PDE1C: variants seen among roughly 807,000 people sequenced by gnomAD.
PDE1C encodes the protein dual specificity calcium/calmodulin-dependent 3',5'-cyclic nucleotide phosphodiesterase 1C.
Under a neutral mutation model 93.1 loss-of-function variants are expected in PDE1C, and 62 were observed. The ratio of observed to expected loss-of-function variants is 0.67; its 90% confidence interval spans 0.54 to 0.82. The LOEUF is 0.82. PDE1C is among the 40% of genes least tolerant of loss of function. The pLI is 0.00. For synonymous variants in PDE1C, 325 were observed against 310.1 expected, an observed-to-expected ratio of 1.05 and a Z score of -0.50; for missense variants, 742 against 884.6, an observed-to-expected ratio of 0.84 and a Z score of 2.04.
chr7:31,718,504 T>A, the PDE1C span, among the ~76,000 whole-genome samples: 3 of 152,318 alleles, frequency 2.0e-5, no homozygotes, highest in Non-Finnish European at 4.4e-5. Context: ...CATCACTGTC[T>A]TCCTGGAGTT....
intron 2 of PDE1C, among the ~76,000 whole-genome samples, chr7:32,003,280 ACT>A (rs1194138181): frequency 4.6e-5 from 7 of 152,104 alleles, no homozygotes; most frequent in Non-Finnish European, 1.0e-4. Flanking sequence ...GACAAGGGAA[ACT>A]CTAGCTCATT....
At chr7:31,868,035 T>C (rs1795510146) in intron 6 of PDE1C, among the ~76,000 whole-genome samples, 1 of 152,222 alleles carries the variant, frequency 6.6e-6, no homozygotes, top group Admixed American at 6.5e-5. Context: ...TAGATACTTC[T>C]TCAGGAAAAA....
rs535394784 is a variant in PDE1C at position 32,155,695 on chromosome 7, G to A, written c.308+14090C>T. 7.9e-5 allele frequency among the ~76,000 whole-genome samples: 12 copies of A among 152,300 alleles called. No individual in the cohort carries two copies. The South Asian group carries it at 1.2e-3, about 16-fold the overall frequency. On this transcript the variant is annotated intron_variant, in intron 3 of 18. Coordinates refer to the PDE1C transcript ENST00000396193. ...GCTGCTTCCAGACACCATGCTCACCGCATGCATGCCTCCTGGACTCCTCAC... is the reference window on the plus strand; with the variant it reads ...GCTGCTTCCAGACACCATGCTCACCACATGCATGCCTCCTGGACTCCTCAC...
At position 31,885,998 on chromosome 7, in the gene PDE1C, G is replaced by A. The variant is rs548249370; in HGVS notation, c.129-5138C>T. Reference sequence around the variant, plus strand: ...TATTCTGCCCAAGGTTATTCCCTCTGAGGATGGGGGGGCAGCTCCTAAAAT... The same window carrying A: ...TATTCTGCCCAAGGTTATTCCCTCTAAGGATGGGGGGGCAGCTCCTAAAAT... On this transcript the variant is annotated intron_variant, in intron 2 of 17. Coordinates refer to ENST00000396191, the MANE Select transcript of PDE1C (RefSeq NM_001191057.4). 2.0e-5 allele frequency among the ~76,000 whole-genome samples: 3 copies of A among 152,292 alleles called. No individual in the cohort carries two copies. The East Asian group carries it at 5.8e-4, about 29-fold the overall frequency.
intron 3 of PDE1C, among the ~76,000 whole-genome samples, chr7:32,124,693 C>A (rs890874417): frequency 2.6e-5 from 4 of 152,078 alleles, no homozygotes; most frequent in Non-Finnish European, 5.9e-5. Context: ...TGAAACTGGA[C>A]CCCTTCCTTA....
chr7:31,743,172 A>G, the PDE1C span, among the ~76,000 whole-genome samples: 1 of 152,114 alleles, frequency 6.6e-6, no homozygotes, highest in Admixed American at 6.5e-5. Flanking sequence ...TATGACTTTT[A>G]TCCTGCTGGG....
chr7:31,676,821 A>G, the PDE1C span, among the ~76,000 whole-genome samples: 3 of 152,304 alleles, frequency 2.0e-5, no homozygotes, highest in South Asian at 6.2e-4. Context: ...AAGAAAAAAA[A>G]AGTCATGGTG....
At chr7:32,425,966 G>T (rs1785522490) in intron 1 of PDE1C, among the ~76,000 whole-genome samples, 1 of 151,642 alleles carries the variant, frequency 6.6e-6, no homozygotes, top group Non-Finnish European at 1.5e-5. Flanking sequence ...GAGGAAGGAA[G>T]GAAGGAAGGA....
chr7:32,046,053 C>T (rs779105579), intron 2 of PDE1C, among the ~76,000 whole-genome samples: 2 of 152,104 alleles, frequency 1.3e-5, no homozygotes, highest in Non-Finnish European at 2.9e-5. Flanking sequence ...ATTAGACATT[C>T]ATGGAAAAAC....
the PDE1C span, among the ~76,000 whole-genome samples, chr7:31,673,308 G>A: frequency 1.3e-5 from 2 of 152,162 alleles, no homozygotes; most frequent in Non-Finnish European, 2.9e-5. Context: ...GAAGCTGACA[G>A]GACCAAGTCC....
chr7:31,990,472 A>G (rs188545049), intron 2 of PDE1C, among the ~76,000 whole-genome samples: 1 of 152,282 alleles, frequency 6.6e-6, no homozygotes, highest in East Asian at 1.9e-4. Flanking sequence ...GTATGTCTTT[A>G]TGAGCAGCAT....
chr7:32,100,551 G>A (rs1481194337), intron 3 of PDE1C, among the ~76,000 whole-genome samples: 2 of 152,224 alleles, frequency 1.3e-5, no homozygotes, highest in Non-Finnish European at 2.9e-5. Flanking sequence ...CTAAGGCAGT[G>A]TAAATGCCGT....
In PDE1C at chr7:32,372,794, G is replaced by A. The variant is rs148569028; in HGVS notation, c.310+55028C>T. 3.1e-4 allele frequency among the ~76,000 whole-genome samples: 47 copies of A among 152,288 alleles called. No homozygotes were observed. The East Asian group carries it at 4.2e-3, about 14-fold the overall frequency. ...AGACAAGTAGCCCAATTAAAAATGA[G>A]CAAGTAATCTGAATAGACATTTCTT... On this transcript the variant is annotated intron_variant, in intron 1 of 1. Coordinates refer to the PDE1C transcript ENST00000672256.
At chr7:32,253,789 G>A (rs1809571654) in intron 1 of PDE1C, among the ~76,000 whole-genome samples, 1 of 152,188 alleles carries the variant, frequency 6.6e-6, no homozygotes, top group Non-Finnish European at 1.5e-5. Context: ...ACACGTATAA[G>A]CAGAGCCCAG....
At chr7:31,686,523 C>T in the PDE1C span, among the ~76,000 whole-genome samples, 2 of 152,224 alleles carry the variant, frequency 1.3e-5, no homozygotes, top group African/African-American at 4.8e-5. Context: ...TTGAAATGCT[C>T]TCTTTGCTGA....
chr7:31,867,664 G>A (rs988729746), intron 6 of PDE1C, among the ~76,000 whole-genome samples: 7 of 152,148 alleles, frequency 4.6e-5, no homozygotes, highest in Non-Finnish European at 1.0e-4. Flanking sequence ...GGACTGAGAA[G>A]CCCCCAATCC....
At chr7:31,661,659 G>T in the PDE1C span, among the ~76,000 whole-genome samples, 1 of 151,748 alleles carries the variant, frequency 6.6e-6, no homozygotes, top group East Asian at 1.9e-4. Flanking sequence ...GTTGCAGTGA[G>T]CCGAGATCCC....
rs1786747797 is a variant in PDE1C, at chr7:32,009,345, C to T, written c.128+42209G>A. 2.6e-5 allele frequency among the ~76,000 whole-genome samples: 4 copies of T among 152,082 alleles called. No individual in the cohort carries two copies. In the South Asian group the frequency reaches 8.3e-4, roughly 32 times the overall value. On this transcript the variant is annotated intron_variant, in intron 2 of 17. Coordinates refer to ENST00000396191, the MANE Select transcript of PDE1C (RefSeq NM_001191057.4). ...ACCAAGGAAGTTAGAATTCACAGGACAGCATACCAGAGAAAAAAAGAGCTA... is the reference window on the plus strand; with the variant it reads ...ACCAAGGAAGTTAGAATTCACAGGATAGCATACCAGAGAAAAAAAGAGCTA...
At chr7:32,416,931 G>A (rs1054930550) in intron 1 of PDE1C, among the ~76,000 whole-genome samples, 5 of 152,240 alleles carry the variant, frequency 3.3e-5, no homozygotes, top group Middle Eastern at 6.8e-3. Context: ...GGGGCAACTC[G>A]CCAGTGGGTC....
Sources: gnomAD v4.1 joint callset for allele counts (sites outside exome capture counted in the v4.1 genomes callset) on GRCh38, gnomAD v4.1.1 for gene constraint, MANE v1.5 for transcripts, NCBI Gene and HGNC (gene_info 2026-07-23, HGNC 2026-07-21) for gene names.